Variants in GAD1 observed in about 807,000 individuals in gnomAD.
GAD1 encodes glutamate decarboxylase 1, also known as 67 kDa glutamic acid decarboxylase.
A neutral mutation model predicts 75.2 loss-of-function variants in GAD1; 35 were observed. That is an observed-to-expected ratio of 0.47 (90% confidence interval 0.36 to 0.62). The LOEUF is 0.62. GAD1 is among the 20% of genes least tolerant of loss of function. The pLI is 0.00. For missense variants in GAD1, 490 were observed against 758.5 expected (o/e 0.65, Z 4.16); for synonymous variants, 257 against 271.9 (o/e 0.95, Z 0.54).
intron 15 of GAD1, 89 bp from the exon 16 acceptor site, chr2:170,858,715 G>A (rs1480986194): frequency 8.8e-7 from 1 of 1,136,118 alleles, no homozygotes; most frequent in East Asian, 2.4e-5. Flanking sequence ...TGGTCCAAGA[G>A]ACTTCCACCA....
intron 9 of GAD1, 39 bp downstream of exon 9, chr2:170,845,824 T>G: frequency 6.3e-7 from 1 of 1,583,578 alleles, no homozygotes. Context: ...CTTGATGTAT[T>G]AAATGTGTTC....
At chr2:170,813,399 T>C (rs1033537422), upstream of GAD1, 1 of 152,176 alleles carries the variant, frequency 6.6e-6, no homozygotes, top group African/African-American at 2.4e-5. Flanking sequence ...CCAGTTCTCG[T>C]CTCGGGAGAC....
At position 170,853,799 on chromosome 2, in the gene GAD1, A is replaced by G; in HGVS notation, c.1264-74A>G. 1.3e-6 allele frequency: 2 copies of G among 1,507,512 alleles called. No homozygotes were observed. The highest frequency in any genetic ancestry group is 9.2e-7 in the Non-Finnish European group (1 of 1,084,094). 93.4% of individuals were successfully genotyped at this position (1,507,512 alleles called of 1,614,324 possible). Reference sequence around the variant, plus strand: ...ATATGACCCCAAGCCCCTCCTTCCAAGCAGCCTAGTTTTAAAGCCACCCAC... The same window carrying G: ...ATATGACCCCAAGCCCCTCCTTCCAGGCAGCCTAGTTTTAAAGCCACCCAC... On this transcript the variant is annotated intron_variant, in intron 13 of 16. Transcript: ENST00000358196. This position sits in a 1 kb window ranked among gnomAD's most constrained non-coding sequence, Gnocchi z 4.1.
intron 1 of GAD1, chr2:170,817,921 CA>C (rs1252894685): frequency 2.0e-5 from 3 of 152,808 alleles, no homozygotes; most frequent in East Asian, 3.9e-4. Flanking sequence ...CTTCTCTGGC[CA>C]AGTCCGAGGG....
chr2:170,848,175 G>C (rs1451827196), intron 11 of GAD1, among the ~76,000 whole-genome samples: 1 of 152,148 alleles, frequency 6.6e-6, no homozygotes, highest in African/African-American at 2.4e-5. Context: ...CCTGCCTTCA[G>C]TCCAGCCGTC....
At chr2:170,837,494 G>A (rs1284826355) in intron 6 of GAD1, among the ~76,000 whole-genome samples, 1 of 152,216 alleles carries the variant, frequency 6.6e-6, no homozygotes, top group Non-Finnish European at 1.5e-5. Context: ...TGTAGGGTAT[G>A]GGGTAGAAGT....
At chr2:170,824,807 G>A (rs1701984695) in intron 3 of GAD1, among the ~76,000 whole-genome samples, 1 of 152,172 alleles carries the variant, frequency 6.6e-6, no homozygotes, top group East Asian at 1.9e-4. Context: ...AATACGATGA[G>A]TTGCAGGGAT....
At chr2:170,823,626 A>G (rs1367436144) in intron 3 of GAD1, among the ~76,000 whole-genome samples, 8 of 151,874 alleles carry the variant, frequency 5.3e-5, no homozygotes, top group Non-Finnish European at 8.8e-5. Context: ...TCTTTGTTCT[A>G]TAAATAGCCC....
At chr2:170,845,848 G>A (rs545577676) in intron 9 of GAD1, 63 bp downstream of exon 9, 35 of 1,546,684 alleles carry the variant, frequency 2.3e-5, no homozygotes, top group Non-Finnish European at 1.8e-5. Flanking sequence ...TGTTAAATTT[G>A]TTTTATTGTG....
chr2:170,824,077 C>A (rs3791866), intron 3 of GAD1, among the ~76,000 whole-genome samples: 3 of 151,972 alleles, frequency 2.0e-5, no homozygotes, highest in African/African-American at 4.8e-5. Context: ...CCCCCTCCCC[C>A]ACTGTCAGCC....
chr2:170,850,542 G>A (rs1702725635), intron 12 of GAD1, among the ~76,000 whole-genome samples: 1 of 152,196 alleles, frequency 6.6e-6, no homozygotes, highest in Non-Finnish European at 1.5e-5. Context: ...GCAGACTAAG[G>A]AGGGAGAGGC....
intron 5 of GAD1, among the ~76,000 whole-genome samples, chr2:170,832,041 T>C (rs1702245546): frequency 1.3e-5 from 2 of 152,120 alleles, no homozygotes; most frequent in South Asian, 4.1e-4. Context: ...CCTCTGCTTC[T>C]TTTCTTGCCT....
intron 15 of GAD1, 62 bp from the exon 16 acceptor site, chr2:170,858,742 T>G (rs996761665): frequency 1.3e-6 from 2 of 1,499,226 alleles, no homozygotes; most frequent in Admixed American, 3.5e-5. Context: ...CATATTGGTT[T>G]GGGAACAGCT....
chr2:170,831,594 ATGTGTGTGTGTGTGTGTGTGTG>A (rs370649454), intron 5 of GAD1, among the ~76,000 whole-genome samples: 2 of 122,804 alleles, frequency 1.6e-5, no homozygotes, highest in Non-Finnish European at 1.7e-5. Context: ...GTCTCTACAT[ATGTGTGTGTGTGTGTGTGTGTG>A]TGTGTGTGTG....
intron 12 of GAD1, among the ~76,000 whole-genome samples, chr2:170,850,502 T>C (rs1219761788): frequency 6.6e-6 from 1 of 152,006 alleles, no homozygotes. Flanking sequence ...AAGAGGCCAT[T>C]GGGGCTGGAG....
intron 2 of GAD1, among the ~76,000 whole-genome samples, chr2:170,819,766 T>C (rs573406277): frequency 6.6e-6 from 1 of 152,252 alleles, no homozygotes; most frequent in South Asian, 2.1e-4. Flanking sequence ...TTAAGAAGGA[T>C]AGTGTGGTTA....
At chr2:170,831,592 A>ATGTGTGTG (rs1491343382) in intron 5 of GAD1, among the ~76,000 whole-genome samples, 3 of 94,918 alleles carry the variant, frequency 3.2e-5, no homozygotes, top group Non-Finnish European at 4.5e-5. Context: ...TTGTCTCTAC[A>ATGTGTGTG]TATGTGTGTG....
chr2:170,814,813 G>A (rs76330278), upstream of GAD1, among the ~76,000 whole-genome samples: 19 of 152,242 alleles, frequency 1.2e-4, no homozygotes, highest in Admixed American at 6.5e-4. Flanking sequence ...CTTCTCCAAC[G>A]AGATTATTTC....
At chr2:170,826,974 G>A in intron 3 of GAD1, among the ~76,000 whole-genome samples, 1 of 152,188 alleles carries the variant, frequency 6.6e-6, no homozygotes, top group South Asian at 2.1e-4. Flanking sequence ...AAAGAGATAT[G>A]GAAAAGGATA....
Sources: gnomAD v4.1 joint callset for allele counts (sites outside exome capture counted in the v4.1 genomes callset) on GRCh38, gnomAD v4.1.1 for gene constraint, Gnocchi (gnomAD v3.1) non-coding constraint, MANE v1.5 for transcripts, NCBI Gene and HGNC (gene_info 2026-07-23, HGNC 2026-07-21) for gene names.